PARD3: variants seen among roughly 807,000 people sequenced by gnomAD.
PARD3 encodes the protein partitioning defective 3 homolog.
A neutral mutation model predicts 155.4 loss-of-function variants in PARD3; 75 were observed. The ratio of observed to expected loss-of-function variants is 0.48; its 90% CI spans 0.40 to 0.58. The LOEUF is 0.58. Among genes scored for constraint, PARD3 ranks in the 20% least tolerant of loss-of-function variants. The probability of loss-of-function intolerance (pLI) is 0.00; values close to 1 mark genes in which losing one functional copy is unlikely to be tolerated. For synonymous variants in PARD3, 576 were observed against 610.5 expected, an observed-to-expected ratio of 0.94 and a Z score of 0.83; for missense variants, 1,642 against 1,721.7, an observed-to-expected ratio of 0.95 and a Z score of 0.82.
chr10:34,534,683 G>A (rs2083097442), intron 2 of PARD3, among the ~76,000 whole-genome samples: 1 of 152,100 alleles, frequency 6.6e-6, no homozygotes, highest in African/African-American at 2.4e-5. Context: ...CAGTAGGGAC[G>A]GTGGTTGATG....
chr10:34,441,833 T>C (rs1282697359), intron 5 of PARD3, among the ~76,000 whole-genome samples: 2 of 152,212 alleles, frequency 1.3e-5, no homozygotes, highest in South Asian at 2.1e-4. Context: ...AGGGATTCTA[T>C]TATCAAAGCA....
At chr10:34,442,068 C>T (rs1320438243) in intron 5 of PARD3, among the ~76,000 whole-genome samples, 2 of 152,176 alleles carry the variant, frequency 1.3e-5, no homozygotes, top group Non-Finnish European at 2.9e-5. Flanking sequence ...TTTTGCTTCT[C>T]TACAAATTTT....
chr10:34,588,115 G>A (rs1292435321), intron 2 of PARD3, among the ~76,000 whole-genome samples: 1 of 152,154 alleles, frequency 6.6e-6, no homozygotes, highest in African/African-American at 2.4e-5. Context: ...CACCTTGCTA[G>A]CCCTGAGAAG....
chr10:34,478,147 C>A (rs1165222550), intron 3 of PARD3, among the ~76,000 whole-genome samples: 1 of 152,140 alleles, frequency 6.6e-6, no homozygotes, highest in Non-Finnish European at 1.5e-5. Context: ...AATCTTATCA[C>A]CTTGTTATTA....
At chr10:34,229,592 T>C (rs2799444) in intron 22 of PARD3, among the ~76,000 whole-genome samples, 3,770 of 152,028 alleles carry the variant, frequency 0.025, 189 homozygotes, top group African/African-American at 0.08. Context: ...TGCCTAAATA[T>C]GCCTCTTTAA....
At chr10:34,777,003 A>ATTTTTTTTT (rs758917237) in intron 1 of PARD3, among the ~76,000 whole-genome samples, 98 of 122,324 alleles carry the variant, frequency 8.0e-4, no homozygotes, top group Non-Finnish European at 9.8e-4. Context: ...TGTCTGGCTA[A>ATTTTTTTTT]TTTTTTTTTT....
At chr10:34,200,877 C>T (rs1272063798) in intron 22 of PARD3, among the ~76,000 whole-genome samples, 1 of 152,208 alleles carries the variant, frequency 6.6e-6, no homozygotes, top group Non-Finnish European at 1.5e-5. Context: ...GTAGCTGTTC[C>T]TGCATCAGCT....
At chr10:34,273,404 T>A (rs1955724796) in intron 21 of PARD3, among the ~76,000 whole-genome samples, 1 of 152,210 alleles carries the variant, frequency 6.6e-6, no homozygotes, top group Admixed American at 6.5e-5. Flanking sequence ...TCACAGGTCA[T>A]ATATGATTTC....
At chr10:34,743,930 A>G (rs2095061990) in intron 1 of PARD3, among the ~76,000 whole-genome samples, 2 of 152,166 alleles carry the variant, frequency 1.3e-5, no homozygotes, top group Admixed American at 1.3e-4. Flanking sequence ...GGCACCTGGC[A>G]CAGACTCCCT....
At position 34,395,843 on chromosome 10, in the gene PARD3, C is replaced by CAAA. The variant is rs1173283584; in HGVS notation, c.890+3484_890+3486dup. Among the ~76,000 whole-genome samples, 9 of 23,296 alleles carry CAAA rather than the reference C, an allele frequency of 3.9e-4. 1 individual carries two copies. The highest frequency in any genetic ancestry group is 7.9e-4 in the African/African-American group (1 of 1,270). The allele number at this position is 23,296 out of a possible 152,430, so 15.3% of individuals were successfully genotyped here. A position where few individuals can be genotyped will look rare whatever the true frequency, so the allele number is the denominator to read the frequency against. On this transcript the variant is annotated intron_variant, in intron 7 of 24. Coordinates refer to ENST00000374788, the MANE Select transcript of PARD3 (RefSeq NM_001184785.2). ...TGGGCGACAGAGCGAGACTCCGTCTCAAAAAAAAAAAAAAAAAAAAAAAAG... is the reference window on the plus strand; with the variant it reads ...TGGGCGACAGAGCGAGACTCCGTCTCAAAAAAAAAAAAAAAAAAAAAAAAAAAG...
intron 2 of PARD3, among the ~76,000 whole-genome samples, chr10:34,586,910 T>C (rs746974501): frequency 2.5e-4 from 38 of 151,684 alleles, no homozygotes; most frequent in African/African-American, 9.2e-4. Flanking sequence ...GATGGTGCCA[T>C]TGCACTCCAG....
intron 22 of PARD3, among the ~76,000 whole-genome samples, chr10:34,204,548 C>A (rs1362691357): frequency 6.6e-6 from 1 of 152,174 alleles, no homozygotes; most frequent in Non-Finnish European, 1.5e-5. Context: ...CTCCATACAG[C>A]TTGTGTTCAA....
At chr10:34,310,508 TG>T (rs1957646028) in intron 20 of PARD3, among the ~76,000 whole-genome samples, 1 of 152,192 alleles carries the variant, frequency 6.6e-6, no homozygotes, top group African/African-American at 2.4e-5. Context: ...TCTATATTCA[TG>T]CCACAGGTCT....
At chr10:34,358,821 C>G (rs1267927610) in intron 14 of PARD3, among the ~76,000 whole-genome samples, 1 of 152,198 alleles carries the variant, frequency 6.6e-6, no homozygotes, top group African/African-American at 2.4e-5. Context: ...TATAACTCTG[C>G]CAACTAGAAG....
chr10:34,470,240 T>G lies in PARD3; in HGVS notation c.427A>C (p.Ser143Arg). The change falls in exon 4 of 25, where the codon AGT becomes CGT. Residue 143 changes from serine to arginine, a missense_variant. Physicochemically the swap from Ser to Arg is moderately radical, Grantham distance 110 (BLOSUM62 -1). Coordinates refer to ENST00000374788, the MANE Select transcript of PARD3 (RefSeq NM_001184785.2). ...RANMPLHVRR[S>R]SDPALIGLST... Reference sequence around the variant, plus strand: ...AGGCCAATTAGAGCTGGGTCACTACTGCGTCGAACATGAAGAGGCATATCT... The same window carrying G: ...AGGCCAATTAGAGCTGGGTCACTACGGCGTCGAACATGAAGAGGCATATCT... The G allele has an allele frequency of 3.1e-6, 5 of 1,607,392 alleles. No individual in the cohort carries two copies. Among genetic ancestry groups the G allele is most frequent in the Non-Finnish European group, 4.2e-6 (5 of 1,176,602 alleles).
At chr10:34,235,595 T>A (rs990591367) in intron 22 of PARD3, among the ~76,000 whole-genome samples, 1 of 152,198 alleles carries the variant, frequency 6.6e-6, no homozygotes, top group African/African-American at 2.4e-5. Flanking sequence ...ACCACTGACG[T>A]TTAGTTACTG....
chr10:34,369,845 A>G (rs78796168), intron 12 of PARD3, among the ~76,000 whole-genome samples: 10,271 of 152,240 alleles, frequency 0.067, 469 homozygotes, highest in Non-Finnish European at 0.096. Flanking sequence ...AAAATAGATA[A>G]TCAAAGATTT....
chr10:34,673,346 A>C (rs958103607), intron 2 of PARD3, among the ~76,000 whole-genome samples: 1 of 152,246 alleles, frequency 6.6e-6, no homozygotes, highest in African/African-American at 2.4e-5. Flanking sequence ...TATCTTGAGT[A>C]CTGTGATATG....
intron 2 of PARD3, among the ~76,000 whole-genome samples, chr10:34,554,150 A>G (rs1257774539): frequency 6.6e-6 from 1 of 152,242 alleles, no homozygotes; most frequent in Non-Finnish European, 1.5e-5. Context: ...TAAAATCAGG[A>G]AGAGACTTTA....
Sources: allele counts gnomAD v4.1 joint callset (sites outside exome capture counted in the v4.1 genomes callset), GRCh38; gene constraint gnomAD v4.1.1; transcripts MANE v1.5; gene names NCBI Gene and HGNC (gene_info 2026-07-23, HGNC 2026-07-21).